Variants in CFAP141 observed in about 807,000 individuals in gnomAD.
The protein encoded by CFAP141 is cilia and flagella associated protein 141.
chr1:154,199,478 G>A, the CFAP141 span: 587 of 1,613,466 alleles, frequency 3.6e-4, 4 homozygotes, highest in East Asian at 0.012. Context: ...GTTCCTGCTG[G>A]TACTGCTGAT....
chr1:154,201,577 G>C, the CFAP141 span, among the ~76,000 whole-genome samples: 1 of 151,678 alleles, frequency 6.6e-6, no homozygotes, highest in Admixed American at 6.6e-5. Context: ...TAGTAGAGAC[G>C]AGGTTTCACC....
At chr1:154,206,303 G>A in the CFAP141 span, 1 of 1,613,984 alleles carries the variant, frequency 6.2e-7, no homozygotes, top group Non-Finnish European at 8.5e-7. Flanking sequence ...CTTTTCCACA[G>A]ACATGTCTAT....
chr1:154,199,576 C>T, the CFAP141 span: 1 of 1,171,062 alleles, frequency 8.5e-7, no homozygotes, highest in South Asian at 1.4e-5. Context: ...CTGTTTACCA[C>T]CCTTTCTTAT....
At chr1:154,204,528 G>C in the CFAP141 span, among the ~76,000 whole-genome samples, 14 of 151,958 alleles carry the variant, frequency 9.2e-5, no homozygotes, top group Non-Finnish European at 2.1e-4. Context: ...CAATCCACCT[G>C]CCTTGCCCTC....
chr1:154,203,440 ATTTT>A, the CFAP141 span, among the ~76,000 whole-genome samples: 1 of 148,458 alleles, frequency 6.7e-6, no homozygotes, highest in Non-Finnish European at 1.5e-5. Context: ...TTGCATATAT[ATTTT>A]TTTGAGACAG....
the CFAP141 span, chr1:154,199,335 A>G: frequency 3.9e-5 from 29 of 753,020 alleles, no homozygotes; most frequent in Admixed American, 9.8e-5. Context: ...AGATCCAGGT[A>G]TGTTTTGGGA....
At chr1:154,201,937 ATT>A in the CFAP141 span, among the ~76,000 whole-genome samples, 33 of 138,656 alleles carry the variant, frequency 2.4e-4, no homozygotes, top group Admixed American at 4.3e-4. Flanking sequence ...CGCCCAGGTA[ATT>A]TTTTTTTTTT....
At chr1:154,200,808 A>T in the CFAP141 span, among the ~76,000 whole-genome samples, 5 of 151,610 alleles carry the variant, frequency 3.3e-5, no homozygotes, top group Admixed American at 6.6e-5. Flanking sequence ...TTAGCTTCCC[A>T]AGTAGCTGGG....
the CFAP141 span, among the ~76,000 whole-genome samples, chr1:154,199,930 G>C: frequency 6.6e-6 from 1 of 152,102 alleles, no homozygotes; most frequent in Non-Finnish European, 1.5e-5. Flanking sequence ...AGGCTGGAGT[G>C]CAGTGGCACA....
chr1:154,202,583 G>A, the CFAP141 span, among the ~76,000 whole-genome samples: 1 of 144,016 alleles, frequency 6.9e-6, no homozygotes, highest in African/African-American at 2.6e-5. Context: ...GGCAGATCAC[G>A]AGGTCAGGAG....
chr1:154,203,484 C>T, the CFAP141 span, among the ~76,000 whole-genome samples: 1 of 151,464 alleles, frequency 6.6e-6, no homozygotes, highest in Non-Finnish European at 1.5e-5. Context: ...GGCTGGAGTG[C>T]AGTGTGTGAT....
chr1:154,206,255 CTCCT>C, the CFAP141 span: 2 of 1,613,196 alleles, frequency 1.2e-6, no homozygotes, highest in South Asian at 2.2e-5. Context: ...AACCCAGCCC[CTCCT>C]TCCAACTCTG....
the CFAP141 span, among the ~76,000 whole-genome samples, chr1:154,204,692 G>T: frequency 4.0e-5 from 6 of 151,536 alleles, no homozygotes; most frequent in African/African-American, 1.2e-4. Context: ...CTCCTGAGTG[G>T]CTGAGACTAC....
chr1:154,205,756 G>A, the CFAP141 span: 1 of 857,616 alleles, frequency 1.2e-6, no homozygotes, highest in Non-Finnish European at 1.9e-6. Flanking sequence ...CCAGGCCAGA[G>A]TGCAGTGGCG....
the CFAP141 span, chr1:154,199,455 C>G: frequency 1.2e-6 from 2 of 1,612,470 alleles, no homozygotes; most frequent in East Asian, 4.5e-5. Context: ...AAAAGCTTTG[C>G]CCATCTGATT....
chr1:154,200,349 G>T, the CFAP141 span: 1 of 1,204,272 alleles, frequency 8.3e-7, no homozygotes, highest in Non-Finnish European at 1.2e-6. Flanking sequence ...AAAACCTAGA[G>T]GCAAACAAGA....
the CFAP141 span, chr1:154,199,524 C>T: frequency 4.0e-5 from 64 of 1,606,764 alleles, no homozygotes; most frequent in Non-Finnish European, 5.2e-5. Flanking sequence ...GGCAGCTTGA[C>T]GGACCTGGTG....
the CFAP141 span, chr1:154,199,398 A>G: frequency 6.8e-7 from 1 of 1,472,780 alleles, no homozygotes; most frequent in African/African-American, 1.4e-5. Flanking sequence ...AGGCATGTTG[A>G]GAATGGAAGA....
chr1:154,199,650 A>G, the CFAP141 span: 1 of 676,018 alleles, frequency 1.5e-6, no homozygotes, highest in Non-Finnish European at 2.5e-6. Context: ...GCTGTGACAT[A>G]AAGCTGGGTG....
Sources: gnomAD v4.1 joint callset for allele counts (sites outside exome capture counted in the v4.1 genomes callset) on GRCh38, gnomAD v4.1.1 for gene constraint, MANE v1.5 for transcripts, NCBI Gene and HGNC (gene_info 2026-07-23, HGNC 2026-07-21) for gene names.